Variants in STRIP1 observed in about 807,000 individuals in gnomAD.
STRIP1 encodes the protein striatin-interacting protein 1.
In STRIP1, 63 loss-of-function variants were observed where a neutral mutation model predicts 106.2. The observed-to-expected ratio is 0.59, with a 90% confidence interval of 0.48 to 0.73. The LOEUF is 0.73. STRIP1 is among the 30% of genes least tolerant of loss of function. The pLI is 0.00. For missense variants in STRIP1, 857 were observed against 1,074.8 expected (o/e 0.80, Z 2.83); for synonymous variants, 390 against 413.0 (o/e 0.94, Z 0.67).
At position 110,040,562 on chromosome 1, in the gene STRIP1, G is replaced by A. The variant is rs914056417; in HGVS notation, c.582-73G>A. ...TATCACAGCATTTTGTTTCCCCATT[G>A]GTCAGTACTTGTCAGGGACATCACT... On this transcript the variant is annotated intron_variant, in intron 5 of 20. Transcript: ENST00000369795. The A allele has an allele frequency of 3.7e-5, 52 of 1,418,984 alleles. No individual in the cohort carries two copies. The highest frequency in any genetic ancestry group is 1.8e-4 in the Middle Eastern group (1 of 5,636). The allele number at this position is 1,418,984 out of a possible 1,614,324, so 87.9% of individuals were successfully genotyped here. A position where few individuals can be genotyped will look rare whatever the true frequency, so the allele number is the denominator to read the frequency against.
chr1:110,040,698 C>T lies in STRIP1; in HGVS notation c.645C>T (p.Asp215=). ...KPAISLADST[D]LRVLLNIMYL... is the part of the protein sequence containing the mutation. ...CCATCTCCCTGGCTGACAGCACAGA[C>T]CTCAGGTGAGGCGAGCAGCAAGCCT... The change falls in exon 6 of 21, where the codon GAC becomes GAT. Residue 215 remains aspartate, a synonymous_variant. Coordinates refer to ENST00000369795, the MANE Select transcript of STRIP1 (RefSeq NM_033088.4). 6.2e-7 allele frequency: 1 copy of T among 1,610,886 alleles called. No homozygotes were observed.
intron 9 of STRIP1, 150 bp downstream of exon 9, chr1:110,043,420 G>C: frequency 1.0e-6 from 1 of 959,082 alleles, no homozygotes; most frequent in Non-Finnish European, 1.6e-6. Context: ...TTTGTCCCCA[G>C]CTCTGGTCCA....
chr1:110,047,746 G>T, intron 14 of STRIP1, 26 bp from the exon 15 acceptor site: 1 of 1,549,550 alleles, frequency 6.5e-7, no homozygotes, highest in African/African-American at 1.4e-5. Flanking sequence ...TCTCAGACCT[G>T]TGTCTGAATG....
chr1:110,044,502 TTTAA>T (rs1205877292), intron 10 of STRIP1, among the ~76,000 whole-genome samples: 6 of 152,232 alleles, frequency 3.9e-5, no homozygotes. Flanking sequence ...AGCCTATAGC[TTTAA>T]TTGTTTAAAA....
intron 14 of STRIP1, 45 bp downstream of exon 14, chr1:110,047,661 G>A (rs1161082667): frequency 2.5e-6 from 4 of 1,577,642 alleles, no homozygotes; most frequent in Non-Finnish European, 3.5e-6. Flanking sequence ...ACTGGCCTTA[G>A]AGCAGGCCCT....
At position 110,053,659 on chromosome 1, in the gene STRIP1, T is replaced by C. The variant is rs780233373; in HGVS notation, c.2267-6T>C. ...CCTAACGGTGTTTCTTCCTGCTTTG[T>C]CTCAGATCTTGATGCCCGGCCTTGG... On this transcript the variant is annotated splice_region_variant and splice_polypyrimidine_tract_variant and intron_variant, in intron 20 of 20. Transcript: ENST00000369795. The C allele has an allele frequency of 6.2e-7, 1 of 1,613,908 alleles. No homozygotes were observed. Among genetic ancestry groups the C allele is most frequent in the South Asian group, 1.1e-5 (1 of 91,082 alleles).
At chr1:110,046,887 TA>T (rs796963444) in intron 13 of STRIP1, 136 bp downstream of exon 13, 62,736 of 421,710 alleles carry the variant, frequency 0.15, no homozygotes, top group South Asian at 0.22. Context: ...CCGTCTCTAC[TA>T]AAAAAAAAAA....
chr1:110,042,932 C>A, intron 8 of STRIP1, 156 bp from the exon 9 acceptor site: 1 of 652,020 alleles, frequency 1.5e-6, no homozygotes, highest in Non-Finnish European at 2.6e-6. Context: ...ACGGAATTCT[C>A]CTTGGGAGTG....
At chr1:110,047,900 G>A (rs1220747251) in intron 15 of STRIP1, 31 bp downstream of exon 15, 6 of 1,523,262 alleles carry the variant, frequency 3.9e-6, no homozygotes, top group Admixed American at 2.0e-5. Context: ...GAAGCAGGTG[G>A]GGCAGAAGAT....
intron 1 of STRIP1, among the ~76,000 whole-genome samples, chr1:110,035,568 C>T (rs1652412618): frequency 6.6e-6 from 1 of 152,106 alleles, no homozygotes. Context: ...GACTAGTAAC[C>T]TCACCCCAAG....
intron 12 of STRIP1, chr1:110,045,318 A>G: frequency 2.1e-6 from 1 of 480,796 alleles, no homozygotes; most frequent in Non-Finnish European, 3.8e-6. Context: ...TTTAAAGATT[A>G]TATTACCTGA....
chr1:110,047,597 C>G lies in STRIP1; in HGVS notation c.1544C>G (p.Pro515Arg), dbSNP rs1416910507. 1.2e-6 allele frequency: 2 copies of G among 1,611,110 alleles called. No individual in the cohort carries two copies. Among genetic ancestry groups the G allele is most frequent in the Non-Finnish European group, 1.7e-6 (2 of 1,178,634 alleles). The change falls in exon 14 of 21, where the codon CCC becomes CGC. Residue 515 changes from proline (P) to arginine (R), a missense_variant. Physicochemically the swap from Pro to Arg is moderately radical, Grantham distance 103. Transcript: ENST00000369795. ...GAAACCCTCTACCAAGGCTTGCTCC[C>G]CAGCCTGCCTCAGTATATGGTGAGT... is the stretch of plus-strand genomic sequence containing the variant. The part of the protein sequence containing the change: ...PAETLYQGLL[P>R]SLPQYMIALL...
In STRIP1 at chr1:110,039,315, T is replaced by C; in HGVS notation, c.460+9T>C. 6.2e-7 allele frequency: 1 copy of C among 1,614,046 alleles called. No homozygotes were observed. Among genetic ancestry groups the C allele is most frequent in the Non-Finnish European group, 8.5e-7 (1 of 1,179,988 alleles). ...TCTCTATGTTGCTCAAGGTATTGAG[T>C]GGACCTCCCCAGGGTTCCCTGGCAC... On this transcript the variant is annotated intron_variant, in intron 4 of 20. Transcript: ENST00000369795.
At chr1:110,033,549 C>T (rs988649686), upstream of STRIP1, among the ~76,000 whole-genome samples, 28 of 152,232 alleles carry the variant, frequency 1.8e-4, no homozygotes, top group Non-Finnish European at 3.1e-4. Flanking sequence ...CTTTCTTAAA[C>T]TGCATGGTAG....
chr1:110,050,855 C>A, intron 18 of STRIP1, 101 bp from the exon 19 acceptor site: 1 of 722,140 alleles, frequency 1.4e-6, no homozygotes, highest in Non-Finnish European at 2.5e-6. Context: ...TGGTAGAGGC[C>A]TGGAGACCCG....
intron 6 of STRIP1, 197 bp from the exon 7 acceptor site, chr1:110,041,339 G>T (rs1652747339): frequency 1.9e-6 from 1 of 530,826 alleles, no homozygotes; most frequent in Non-Finnish European, 3.4e-6. Flanking sequence ...CCTACAGCTC[G>T]CTACCACCTC....
chr1:110,039,138 T>G, intron 3 of STRIP1, 34 bp from the exon 4 acceptor site: 7 of 1,609,848 alleles, frequency 4.3e-6, no homozygotes, highest in Non-Finnish European at 5.9e-6. Flanking sequence ...AGGATTTTTC[T>G]AGGCTCAGGT....
upstream of STRIP1, chr1:110,034,474 G>A (rs1233581983): frequency 4.2e-6 from 3 of 707,978 alleles, no homozygotes; most frequent in Non-Finnish European, 6.4e-6. Flanking sequence ...AACAAGGGAA[G>A]GACTGCAGAC....
chr1:110,048,233 AGCAAC>A (rs1452144302), intron 15 of STRIP1: 3 of 262,906 alleles, frequency 1.1e-5, no homozygotes, highest in Admixed American at 9.3e-5. Flanking sequence ...ACAGCTTGCC[AGCAAC>A]AGCTGAACCT....
Sources: allele counts gnomAD v4.1 joint callset (sites outside exome capture counted in the v4.1 genomes callset), GRCh38; gene constraint gnomAD v4.1.1; transcripts MANE v1.5; gene names NCBI Gene and HGNC (gene_info 2026-07-23, HGNC 2026-07-21).